Variants in MDN1 observed in about 807,000 individuals in gnomAD.
The protein encoded by MDN1 is midasin AAA ATPase 1, also known as midasin.
In MDN1, 266 loss-of-function variants were observed where a neutral mutation model predicts 669.2. The ratio of observed to expected loss-of-function variants is 0.40; its 90% confidence interval spans 0.36 to 0.44. The LOEUF is 0.44. Ranked by LOEUF, MDN1 falls within the 20% of genes least tolerant of loss-of-function variation. The probability of loss-of-function intolerance (pLI) is 1.00; values close to 1 mark genes in which losing one functional copy is unlikely to be tolerated. For missense variants in MDN1, 5,940 were observed against 6,754.0 expected, an observed-to-expected ratio of 0.88 and a Z score of 4.22; for synonymous variants, 2,385 against 2,457.1, an observed-to-expected ratio of 0.97 and a Z score of 0.87.
intron 35 of MDN1, 109 bp from the exon 36 acceptor site, chr6:89,729,248 A>C (rs536642786): frequency 1.1e-5 from 9 of 803,276 alleles, no homozygotes; most frequent in Non-Finnish European, 1.6e-5. Flanking sequence ...AGTTAGTGAA[A>C]TACCATTTGC....
In MDN1 at chr6:89,695,787, ACTGGCAGAGCAGTTC is replaced by A; in HGVS notation, c.9574_9588del (p.Glu3192_Gln3196del). ...ACAAAGTGGTGCAGGGAGGTGAGCAACTGGCAGAGCAGTTCCTTGGGCAGCACCTCCTGACCAGCC... is the reference window on the plus strand; with the variant it reads ...ACAAAGTGGTGCAGGGAGGTGAGCAACTTGGGCAGCACCTCCTGACCAGCC... On this transcript the variant is annotated inframe_deletion, in exon 61 of 102. Transcript: ENST00000369393. The surrounding 1 kb of genome is among the most constrained non-coding windows in gnomAD (Gnocchi z 4.1). 1.2e-6 allele frequency: 2 copies of A among 1,613,628 alleles called. No individual in the cohort carries two copies.
rs1302215626 is a variant in MDN1 at position 89,789,773 on chromosome 6, G to GTC, written c.1230+6_1230+7insGA. ...TAAGGGACAATGAATTTCCTGAGAT[G>GTC]ACATACCACGTCTAAGGGGGCATAG... is the stretch of plus-strand genomic sequence containing the variant. On this transcript the variant is annotated splice_region_variant and intron_variant, in intron 7 of 101. Coordinates refer to ENST00000369393, the MANE Select transcript of MDN1 (RefSeq NM_014611.3). The GTC allele has an allele frequency of 1.9e-6, 3 of 1,581,226 alleles. No individual in the cohort carries two copies. The highest frequency in any genetic ancestry group is 2.6e-6 in the Non-Finnish European group (3 of 1,164,574).
intron 62 of MDN1, 70 bp downstream of exon 62, chr6:89,694,004 C>T (rs1812552143): frequency 1.6e-6 from 2 of 1,263,700 alleles, no homozygotes; most frequent in Non-Finnish European, 2.3e-6. Context: ...CTTCTACTCA[C>T]ACCATAACTA....
intron 5 of MDN1, among the ~76,000 whole-genome samples, chr6:89,791,118 A>G (rs1819248240): frequency 6.6e-6 from 1 of 152,118 alleles, no homozygotes; most frequent in African/African-American, 2.4e-5. Flanking sequence ...GGGGTATTCC[A>G]TGGGAAGTAG....
In MDN1 at chr6:89,745,510, T is replaced by C. The variant is rs773888912; in HGVS notation, c.4021A>G (p.Asn1341Asp). 4.3e-6 allele frequency: 7 copies of C among 1,614,040 alleles called. No individual in the cohort carries two copies. The South Asian group carries it at 7.7e-5, about 18-fold the overall frequency. Residue 1341 changes from asparagine to aspartate, a missense_variant, in exon 28 of 102, where the codon AAT becomes GAT. Physicochemically the swap from Asn to Asp is conservative, Grantham distance 23. This residue lies in a region of MDN1 where 2,292 missense variants were observed against 2,638.3 expected (regional missense o/e 0.87). Transcript: ENST00000369393. ...LCPQSLFSKENVLKLLGKLST... is the reference protein window; with the variant it reads ...LCPQSLFSKEDVLKLLGKLST... ...TACTCACCCAGCAATTTTAGAACAT[T>C]TTCTTTGGAGAAAAGAGATTGAGGA...
At chr6:89,788,287 G>A (rs1819074218) in intron 7 of MDN1, among the ~76,000 whole-genome samples, 1 of 152,162 alleles carries the variant, frequency 6.6e-6, no homozygotes, top group Non-Finnish European at 1.5e-5. Context: ...TGTACCCCAG[G>A]AGTATACAAA....
At chr6:89,761,857 A>C in intron 16 of MDN1, 109 bp from the exon 17 acceptor site, 1 of 785,006 alleles carries the variant, frequency 1.3e-6, no homozygotes, top group Admixed American at 2.8e-5. Context: ...CATCTTACAC[A>C]AAACACTAAG....
intron 35 of MDN1, among the ~76,000 whole-genome samples, chr6:89,729,769 C>A (rs1425158439): frequency 7.1e-6 from 1 of 141,354 alleles, no homozygotes; most frequent in African/African-American, 2.6e-5. Context: ...GAAGCAAGGA[C>A]CACCCCAGTT....
chr6:89,718,968 C>G lies in MDN1; in HGVS notation c.6120G>C (p.Leu2040Phe). ...GGGGTTGGAATGACTGGTGCAGGAG[C>G]AACAGGGGATGGCGGGACGGGTGAG... is the stretch of plus-strand genomic sequence containing the variant. ...CVPHPSRHPL[L>F]LLHQSFQPLE... Residue 2040 changes from leucine to phenylalanine, a missense_variant, in exon 42 of 102, where the codon TTG becomes TTC. By Grantham distance (22) the Leu-to-Phe change is conservative. Around this residue, in one of 5 missense-constraint regions of MDN1, gnomAD observed 2,292 missense variants for 2,638.3 expected, o/e 0.87. Coordinates refer to ENST00000369393, the MANE Select transcript of MDN1 (RefSeq NM_014611.3). The G allele has an allele frequency of 6.2e-7, 1 of 1,614,116 alleles. No individual in the cohort carries two copies. The highest frequency in any genetic ancestry group is 8.5e-7 in the Non-Finnish European group (1 of 1,180,014).
chr6:89,685,938 T>G lies in MDN1; in HGVS notation c.11608A>C (p.Thr3870Pro). 1 of 1,613,854 alleles carries G rather than the reference T, an allele frequency of 6.2e-7. No homozygotes were observed. The highest frequency in any genetic ancestry group is 1.1e-5 in the South Asian group (1 of 90,980). Residue 3870 changes from threonine (T) to proline (P), a missense_variant, in exon 70 of 102, where the codon ACA becomes CCA. This residue lies in a region of MDN1 where 2,280 missense variants were observed against 2,576.3 expected (regional missense o/e 0.88). Transcript: ENST00000369393. ...GATCCTTCAATAAATGCTTGTAATG[T>G]GCTGACCAGCAACATCAAGGTCATC... ...KQMTLMLLVSTLQAFIEGSSL... is the reference protein window; with the variant it reads ...KQMTLMLLVSPLQAFIEGSSL...
chr6:89,699,177 C>T (rs1338435705), intron 58 of MDN1, 142 bp from the exon 59 acceptor site: 5 of 703,008 alleles, frequency 7.1e-6, no homozygotes, highest in Non-Finnish European at 1.1e-5. Context: ...TCTGCCACCC[C>T]AGTCAACTTG....
chr6:89,723,266 G>C (rs1223021047), intron 39 of MDN1, 123 bp from the exon 40 acceptor site: 2 of 1,007,680 alleles, frequency 2.0e-6, no homozygotes, highest in East Asian at 4.9e-5. Flanking sequence ...GCTTGATTCA[G>C]AGCCTCTTTC....
intron 90 of MDN1, among the ~76,000 whole-genome samples, chr6:89,657,687 A>G (rs1348920503): frequency 1.3e-5 from 2 of 152,224 alleles, no homozygotes; most frequent in Admixed American, 6.5e-5. Context: ...CCACTTAAAT[A>G]CAGCCGATAT....
At chr6:89,728,888 T>C in intron 36 of MDN1, 43 bp downstream of exon 36, 1 of 1,545,162 alleles carries the variant, frequency 6.5e-7, no homozygotes. Flanking sequence ...CAGACATTAC[T>C]ATCTATAGCT....
chr6:89,690,890 A>C (rs1812337589), intron 63 of MDN1, 56 bp from the exon 64 acceptor site: 1 of 1,567,134 alleles, frequency 6.4e-7, no homozygotes. Flanking sequence ...GCATTCACAA[A>C]GGCAAGATTT....
chr6:89,735,470 C>G (rs1815911804), intron 33 of MDN1, among the ~76,000 whole-genome samples: 1 of 150,804 alleles, frequency 6.6e-6, no homozygotes, highest in Non-Finnish European at 1.5e-5. Flanking sequence ...AACTCCTAGG[C>G]TCAAGGGTTT....
In MDN1 at chr6:89,759,616, T is replaced by C. The variant is rs1228178156; in HGVS notation, c.2461-656A>G. Among the ~76,000 whole-genome samples the C allele has an allele frequency of 5.9e-5, 9 of 151,828 alleles. No individual in the cohort carries two copies. The East Asian group carries it at 1.6e-3, about 26-fold the overall frequency. ...CCATCTCTACTAAAAATACAAAAAA[T>C]AGCCGGGCGTGGTGGCACGCACCCT... On this transcript the variant is annotated intron_variant, in intron 17 of 101. Coordinates refer to ENST00000369393, the MANE Select transcript of MDN1 (RefSeq NM_014611.3).
intron 33 of MDN1, among the ~76,000 whole-genome samples, chr6:89,738,104 T>C (rs944236618): frequency 6.6e-6 from 1 of 152,208 alleles, no homozygotes; most frequent in Non-Finnish European, 1.5e-5. Context: ...TCTACAGCCA[T>C]TGTGTCAAGT....
rs1294433989 is a variant in MDN1 at position 89,713,267 on chromosome 6, T to C, written c.7099A>G (p.Ile2367Val). ...GSPTSSVSTL[I>V]QTAILIVQYL... ...TGGACAATTAGTATGGCTGTCTGGA[T>C]TAGAGTTGATACAGAAGATGTTGGA... The change falls in exon 47 of 102, where the codon ATC becomes GTC. Residue 2367 changes from isoleucine (I) to valine (V), a missense_variant. By Grantham distance (29) the Ile-to-Val change is conservative. This residue lies in a region of MDN1 where 2,292 missense variants were observed against 2,638.3 expected (regional missense o/e 0.87). Coordinates refer to ENST00000369393, the MANE Select transcript of MDN1 (RefSeq NM_014611.3). The C allele has an allele frequency of 6.2e-7, 1 of 1,613,512 alleles. No homozygotes were observed. The highest frequency in any genetic ancestry group is 8.5e-7 in the Non-Finnish European group (1 of 1,179,788).
Sources: allele counts gnomAD v4.1 joint callset (sites outside exome capture counted in the v4.1 genomes callset), GRCh38; gene constraint gnomAD v4.1.1; regional missense constraint gnomAD v4.1.1; non-coding constraint Gnocchi (gnomAD v3.1); transcripts MANE v1.5; gene names NCBI Gene and HGNC (gene_info 2026-07-23, HGNC 2026-07-21).